CDC42BPA: variants seen among roughly 807,000 people sequenced by gnomAD.
The protein encoded by CDC42BPA is CDC42 binding protein kinase alpha, also known as serine/threonine-protein kinase MRCK alpha.
In CDC42BPA, 80 loss-of-function variants were observed where a neutral mutation model predicts 223.5. The observed-to-expected ratio is 0.36, with a 90% CI of 0.30 to 0.43. The LOEUF (loss-of-function observed/expected upper bound fraction) is 0.43, where lower values mean the gene tolerates loss of function less well. Ranked by LOEUF, CDC42BPA falls within the 20% of genes least tolerant of loss-of-function variation. CDC42BPA has a pLI of 1.00. For synonymous variants in CDC42BPA, 694 were observed against 718.6 expected (o/e 0.97, Z 0.55); for missense variants, 1,743 against 2,099.9 (o/e 0.83, Z 3.32).
At chr1:227,260,511 T>C (rs1425486078) in intron 1 of CDC42BPA, among the ~76,000 whole-genome samples, 1 of 150,442 alleles carries the variant, frequency 6.6e-6, no homozygotes, top group African/African-American at 2.5e-5. Context: ...GGCCAGGTGG[T>C]AGGAACATAG....
chr1:227,054,156 G>A (rs1443389633), intron 21 of CDC42BPA, among the ~76,000 whole-genome samples: 1 of 152,194 alleles, frequency 6.6e-6, no homozygotes, highest in African/African-American at 2.4e-5. Flanking sequence ...TAGCCCCACA[G>A]CTTGACAGAA....
intron 6 of CDC42BPA, 63 bp downstream of exon 6, chr1:227,160,480 T>C (rs552960447): frequency 7.7e-6 from 8 of 1,033,332 alleles, no homozygotes; most frequent in African/African-American, 6.3e-5. Context: ...AAAACAGATA[T>C]ATCAGACAAA....
intron 5 of CDC42BPA, among the ~76,000 whole-genome samples, chr1:227,161,244 T>C (rs1663835395): frequency 6.6e-6 from 1 of 152,224 alleles, no homozygotes; most frequent in Non-Finnish European, 1.5e-5. Context: ...CCAGCTTTTG[T>C]ATTTGTTTTT....
chr1:227,137,413 A>T (rs549083272), intron 10 of CDC42BPA, among the ~76,000 whole-genome samples: 1 of 152,256 alleles, frequency 6.6e-6, no homozygotes, highest in South Asian at 2.1e-4. Context: ...TTATTAGTAG[A>T]ACTATATATT....
intron 1 of CDC42BPA, among the ~76,000 whole-genome samples, chr1:227,312,226 A>G (rs1693659890): frequency 1.3e-5 from 2 of 152,236 alleles, no homozygotes; most frequent in Admixed American, 1.3e-4. Context: ...GAGAAAAACA[A>G]TGAGCTACAT....
chr1:227,187,679 A>C (rs139974943), intron 5 of CDC42BPA, among the ~76,000 whole-genome samples: 411 of 5,360 alleles, frequency 0.077, 2 homozygotes, highest in Non-Finnish European at 0.13. Flanking sequence ...GGCACCCCCC[A>C]CCCCCCCCCC....
At chr1:227,315,975 GAC>G (rs1390394978) in intron 1 of CDC42BPA, among the ~76,000 whole-genome samples, 1 of 84,888 alleles carries the variant, frequency 1.2e-5, no homozygotes, top group African/African-American at 4.9e-5. Context: ...AAAAAAAAAA[GAC>G]ACAATCAGCA....
At chr1:227,094,848 C>G (rs574107053) in intron 15 of CDC42BPA, among the ~76,000 whole-genome samples, 50 of 152,280 alleles carry the variant, frequency 3.3e-4, no homozygotes, top group African/African-American at 1.2e-3. Context: ...CATAAAGGGT[C>G]TACTGGCTCA....
chr1:227,075,888 GT>G (rs1417302888), intron 17 of CDC42BPA, among the ~76,000 whole-genome samples: 4 of 152,204 alleles, frequency 2.6e-5, no homozygotes, highest in African/African-American at 9.6e-5. Context: ...AGTCCAATGT[GT>G]TTAATTAACT....
chr1:227,072,680 TTC>T (rs1463125544), intron 19 of CDC42BPA, among the ~76,000 whole-genome samples: 1 of 152,034 alleles, frequency 6.6e-6, no homozygotes, highest in Non-Finnish European at 1.5e-5. Flanking sequence ...AATTTTAGAA[TTC>T]TGTTAGACTT....
chr1:227,299,588 G>A (rs1691279933), intron 1 of CDC42BPA, among the ~76,000 whole-genome samples: 1 of 151,932 alleles, frequency 6.6e-6, no homozygotes, highest in South Asian at 2.1e-4. Flanking sequence ...AAATTCTATT[G>A]ATTCTCAGCA....
intron 15 of CDC42BPA, among the ~76,000 whole-genome samples, chr1:227,100,777 T>TGTGC (rs777124731): frequency 7.8e-6 from 1 of 128,510 alleles, no homozygotes; most frequent in African/African-American, 2.9e-5. Context: ...TGTGTGTGTG[T>TGTGC]GCGTGTGCCA....
At position 227,282,770 on chromosome 1, in the gene CDC42BPA, T is replaced by G. The variant is rs186731778; in HGVS notation, c.179-28615A>C. On this transcript the variant is annotated intron_variant, in intron 1 of 36. Coordinates refer to ENST00000366766, the MANE Select transcript of CDC42BPA (RefSeq NM_001394014.1). ...ACAAATACTGTTATGATTCTACTCATGAGGTACTTAAGAGTAGTCAAATTC... is the reference window on the plus strand; with the variant it reads ...ACAAATACTGTTATGATTCTACTCAGGAGGTACTTAAGAGTAGTCAAATTC... Among the ~76,000 whole-genome samples, 129 of 152,322 alleles carry G rather than the reference T, an allele frequency of 8.5e-4. 1 individual carries two copies. Among genetic ancestry groups the G allele is most frequent in the Admixed American group, 8.3e-3 (127 of 15,300 alleles).
chr1:227,129,558 T>C (rs1185827512), intron 10 of CDC42BPA, among the ~76,000 whole-genome samples: 2 of 148,732 alleles, frequency 1.3e-5, no homozygotes, highest in African/African-American at 5.0e-5. Flanking sequence ...GTCCCGCTAC[T>C]CAGGAGGCTC....
At chr1:227,227,401 A>G (rs1677046392) in intron 2 of CDC42BPA, among the ~76,000 whole-genome samples, 1 of 152,196 alleles carries the variant, frequency 6.6e-6, no homozygotes, top group Non-Finnish European at 1.5e-5. Flanking sequence ...AATTATCCCA[A>G]TGAAAATAAC....
intron 1 of CDC42BPA, among the ~76,000 whole-genome samples, chr1:227,299,342 T>C (rs905680860): frequency 6.6e-6 from 1 of 152,182 alleles, no homozygotes; most frequent in Non-Finnish European, 1.5e-5. Context: ...AGAAACACTG[T>C]TGCAAAGGAA....
chr1:227,144,574 C>CAAAAAAAAAAAAAAAAAAAAA (rs57568297), intron 8 of CDC42BPA, among the ~76,000 whole-genome samples: 5 of 63,476 alleles, frequency 7.9e-5, no homozygotes, highest in Non-Finnish European at 1.4e-4. Flanking sequence ...GACTCTGTCT[C>CAAAAAAAAAAAAAAAAAAAAA]AAAAAAAAAA....
At chr1:227,253,259 C>CGAGAGAGAGAGT (rs150466644) in intron 2 of CDC42BPA, among the ~76,000 whole-genome samples, 1 of 116,544 alleles carries the variant, frequency 8.6e-6, no homozygotes, top group Non-Finnish European at 1.9e-5. Context: ...AGAGAGAGAG[C>CGAGAGAGAGAGT]GAGAGAGAGC....
intron 24 of CDC42BPA, 43 bp downstream of exon 24, chr1:227,040,088 A>G (rs1174105150): frequency 1.7e-6 from 2 of 1,144,854 alleles, no homozygotes; most frequent in African/African-American, 3.0e-5. Context: ...TTTGATTACA[A>G]TTTAGATAGT....
Sources: gnomAD v4.1 joint callset for allele counts (sites outside exome capture counted in the v4.1 genomes callset) on GRCh38, gnomAD v4.1.1 for gene constraint, MANE v1.5 for transcripts, NCBI Gene and HGNC (gene_info 2026-07-23, HGNC 2026-07-21) for gene names.